The following STXBP4 variants were observed in gnomAD, a reference collection of about 807,000 sequenced individuals.
STXBP4 encodes syntaxin binding protein 4, also known as syntaxin-binding protein 4.
STXBP4 carries 55 observed loss-of-function variants against 76.1 expected under a neutral mutation model. The observed-to-expected ratio is 0.72, with a 90% confidence interval of 0.58 to 0.91. STXBP4 has a LOEUF of 0.91. Ranked by LOEUF, STXBP4 falls within the 40% of genes least tolerant of loss-of-function variation. The pLI, the probability that STXBP4 is intolerant of heterozygous loss-of-function variation, is 0.00. For synonymous variants in STXBP4, 201 were observed against 220.2 expected (o/e 0.91, Z 0.77); for missense variants, 618 against 636.9 (o/e 0.97, Z 0.32).
At chr17:55,068,872 C>T (rs1473638381) in intron 12 of STXBP4, among the ~76,000 whole-genome samples, 1 of 151,906 alleles carries the variant, frequency 6.6e-6, no homozygotes, top group Non-Finnish European at 1.5e-5. Flanking sequence ...CCATTCAAAG[C>T]CCATGTTTTT....
chr17:55,180,843 T>G, the STXBP4 span, among the ~76,000 whole-genome samples: 2 of 152,218 alleles, frequency 1.3e-5, no homozygotes, highest in Non-Finnish European at 2.9e-5. Context: ...AAAGACCATT[T>G]TAGGCATATC....
intron 16 of STXBP4, among the ~76,000 whole-genome samples, chr17:55,082,325 G>A (rs1260706554): frequency 1.3e-5 from 2 of 152,128 alleles, no homozygotes; most frequent in African/African-American, 4.8e-5. Context: ...GTCCAAAATG[G>A]TGACCAATGG....
In STXBP4 at chr17:55,165,589, G is replaced by A. The variant is rs2080374003; in HGVS notation, c.*5678G>A. 6.6e-6 allele frequency: 1 copy of A among 152,198 alleles called. No homozygotes were observed. The highest frequency in any genetic ancestry group is 2.1e-4 in the South Asian group (1 of 4,826). 9.4% of individuals were successfully genotyped at this position (152,198 alleles called of 1,614,324 possible). On this transcript the variant is annotated 3_prime_UTR_variant, in exon 18 of 18. Transcript: ENST00000376352. Reference sequence around the variant, plus strand: ...TGTTCTCTCAATGGAAATCAATTCGGACAATAACATTAGACCATCTTAACC... The same window carrying A: ...TGTTCTCTCAATGGAAATCAATTCGAACAATAACATTAGACCATCTTAACC...
rs1567751674 is a variant in STXBP4 at position 55,078,724 on chromosome 17, A to T, written c.1344A>T (p.Leu448Phe). 7.1e-6 allele frequency: 11 copies of T among 1,551,862 alleles called. No individual in the cohort carries two copies. Among genetic ancestry groups the T allele is most frequent in the East Asian group, 4.5e-5 (2 of 44,436 alleles). Reference protein sequence around the residue: ...QEVFSDNSTPLSNLSERRAVL... With the variant: ...QEVFSDNSTPFSNLSERRAVL... ...TATTTTCTGATAATTCTACTCCTTT[A>T]TCAAATTTAAGGTAAGAAAATTTAA... The change falls in exon 15 of 18, where the codon TTA becomes TTT. Residue 448 changes from leucine to phenylalanine, a missense_variant. Physicochemically the swap from Leu to Phe is conservative, Grantham distance 22. Transcript: ENST00000376352.
chr17:54,969,805 T>C (rs1249102995), intron 1 of STXBP4, among the ~76,000 whole-genome samples: 1 of 152,200 alleles, frequency 6.6e-6, no homozygotes, highest in Admixed American at 6.5e-5. Flanking sequence ...CTGCTGGCAC[T>C]ATAGCACAGA....
chr17:55,191,072 C>A, the STXBP4 span, among the ~76,000 whole-genome samples: 2 of 152,250 alleles, frequency 1.3e-5, no homozygotes, highest in East Asian at 3.9e-4. Flanking sequence ...TCTTCATATT[C>A]CAATTTTATT....
intron 7 of STXBP4, among the ~76,000 whole-genome samples, chr17:55,002,620 T>C (rs1159494783): frequency 6.6e-6 from 1 of 152,202 alleles, no homozygotes; most frequent in Admixed American, 6.5e-5. Flanking sequence ...ATAACACATT[T>C]ACACAAATTA....
rs2077615998 is a variant in STXBP4, at chr17:54,985,661, A to G, written c.-109A>G. The G allele has an allele frequency of 6.6e-6, 1 of 152,394 alleles. No individual in the cohort carries two copies. Among genetic ancestry groups the G allele is most frequent in the Non-Finnish European group, 1.5e-5 (1 of 68,150 alleles). The allele number at this position is 152,394 out of a possible 1,614,324, so 9.4% of individuals were successfully genotyped here. On this transcript the variant is annotated 5_prime_UTR_variant, in exon 2 of 18. In the 5' UTR this introduces an upstream ATG that the reference lacks. Transcript: ENST00000376352. ...GGAATAATATTAGTCAGAGTAATAT[A>G]GGATCTGCAGGAAGTGTCTCAAGAT...
Position 55,083,645 on chromosome 17 carries a change from G to C in STXBP4, c.1489+2462G>C, listed in dbSNP as rs80078394. Among the ~76,000 whole-genome samples, 300 of 152,260 alleles carry C rather than the reference G, an allele frequency of 2.0e-3. 5 individuals carry two copies. In the East Asian group the frequency reaches 0.041, roughly 21 times the overall value. Reference sequence around the variant, plus strand: ...GATGTCTGTTGGGGATGCAATATCTGATGACTCTACTGGGCTGGACATCTA... The same window carrying C: ...GATGTCTGTTGGGGATGCAATATCTCATGACTCTACTGGGCTGGACATCTA... On this transcript the variant is annotated intron_variant, in intron 16 of 17. Transcript: ENST00000376352.
At chr17:54,997,616 T>A (rs117148216) in intron 4 of STXBP4, among the ~76,000 whole-genome samples, 5,228 of 146,784 alleles carry the variant, frequency 0.036, 129 homozygotes, top group Non-Finnish European at 0.056. Flanking sequence ...ATATATATAT[T>A]TTTTTTGAGA....
At position 55,160,064 on chromosome 17, in the gene STXBP4, A is replaced by G. The variant is rs955839631; in HGVS notation, c.*153A>G. The G allele has an allele frequency of 5.8e-5, 30 of 520,020 alleles. No homozygotes were observed. The highest frequency in any genetic ancestry group is 5.4e-4 in the African/African-American group (28 of 51,572). The allele number at this position is 520,020 out of a possible 1,614,324, so 32.2% of individuals were successfully genotyped here. On this transcript the variant is annotated 3_prime_UTR_variant, in exon 18 of 18. Coordinates refer to ENST00000376352, the MANE Select transcript of STXBP4 (RefSeq NM_178509.6). ...TCTGGACTTTGGGTATTTTTGTAAAACTTTTGATATTTCTGTATACATTTA... is the reference window on the plus strand; with the variant it reads ...TCTGGACTTTGGGTATTTTTGTAAAGCTTTTGATATTTCTGTATACATTTA...
intron 12 of STXBP4, among the ~76,000 whole-genome samples, chr17:55,055,560 T>A (rs920663793): frequency 3.3e-5 from 5 of 152,172 alleles, no homozygotes; most frequent in Non-Finnish European, 7.3e-5. Context: ...AATATTGTTT[T>A]AAAACTGCAC....
chr17:55,138,427 C>A (rs2080059559), intron 16 of STXBP4, among the ~76,000 whole-genome samples: 1 of 151,944 alleles, frequency 6.6e-6, no homozygotes. Context: ...AGGTAACAGC[C>A]ACTATTCTAA....
At chr17:55,048,886 T>C (rs569370792) in intron 12 of STXBP4, among the ~76,000 whole-genome samples, 1 of 151,990 alleles carries the variant, frequency 6.6e-6, no homozygotes, top group South Asian at 2.1e-4. Context: ...TTTCTATAAT[T>C]AAAACAAGAC....
chr17:55,160,048 T>G lies in STXBP4; in HGVS notation c.*137T>G. ...AGTGTGAAATGGAGACTCTGGACTTTGGGTATTTTTGTAAAACTTTTGATA... is the reference window on the plus strand; with the variant it reads ...AGTGTGAAATGGAGACTCTGGACTTGGGGTATTTTTGTAAAACTTTTGATA... On this transcript the variant is annotated 3_prime_UTR_variant, in exon 18 of 18. Transcript: ENST00000376352. 1 of 538,038 alleles carries G rather than the reference T, an allele frequency of 1.9e-6. No individual in the cohort carries two copies. Among genetic ancestry groups the G allele is most frequent in the Middle Eastern group, 3.2e-4 (1 of 3,082 alleles). 33.3% of individuals were successfully genotyped at this position (538,038 alleles called of 1,614,324 possible). A position where few individuals can be genotyped will look rare whatever the true frequency, so the allele number is the denominator to read the frequency against.
chr17:55,079,144 A>G (rs1045833240), intron 15 of STXBP4, among the ~76,000 whole-genome samples: 16 of 152,188 alleles, frequency 1.1e-4, no homozygotes, highest in Non-Finnish European at 5.9e-5. Context: ...AAACATATTC[A>G]TGCAATCATT....
chr17:55,100,692 T>C (rs991141039), intron 16 of STXBP4, among the ~76,000 whole-genome samples: 3 of 152,176 alleles, frequency 2.0e-5, no homozygotes, highest in Admixed American at 6.5e-5. Flanking sequence ...ACAGACTCTT[T>C]GGGTGGTTTC....
rs1185615445 is a variant in STXBP4 at position 55,049,416 on chromosome 17, G to A, written c.1011+2262G>A. ...CATGTGTTAACAAAAGTCAAAAGATGCAAATTTTTTAATGGGAGGATAAGA... is the reference window on the plus strand; with the variant it reads ...CATGTGTTAACAAAAGTCAAAAGATACAAATTTTTTAATGGGAGGATAAGA... On this transcript the variant is annotated intron_variant, in intron 12 of 17. Transcript: ENST00000376352. Among the ~76,000 whole-genome samples, 4 of 151,788 alleles carry A rather than the reference G, an allele frequency of 2.6e-5. No individual in the cohort carries two copies. In the South Asian group the frequency reaches 6.2e-4, roughly 24 times the overall value.
At chr17:55,135,662 A>C (rs559090964) in intron 16 of STXBP4, among the ~76,000 whole-genome samples, 24 of 152,278 alleles carry the variant, frequency 1.6e-4, no homozygotes, top group South Asian at 1.2e-3. Flanking sequence ...ACTGCAGTTC[A>C]GACCTACAAA....
Sources: gnomAD v4.1 joint callset for allele counts (sites outside exome capture counted in the v4.1 genomes callset) on GRCh38, gnomAD v4.1.1 for gene constraint, MANE v1.5 for transcripts, NCBI Gene and HGNC (gene_info 2026-07-23, HGNC 2026-07-21) for gene names.